The following BCKDHA variants were observed in gnomAD, a reference collection of about 807,000 sequenced individuals.
BCKDHA encodes the protein branched chain keto acid dehydrogenase E1 subunit alpha, also known as 2-oxoisovalerate dehydrogenase subunit alpha, mitochondrial.
In BCKDHA, 43 loss-of-function variants were observed where a neutral mutation model predicts 52.2. That is an observed-to-expected ratio of 0.82 (90% CI 0.64 to 1.06). The LOEUF (loss-of-function observed/expected upper bound fraction) is 1.06, where lower values mean the gene tolerates loss of function less well. Ranked by LOEUF, BCKDHA falls within the 50% of genes least tolerant of loss-of-function variation. The pLI, the probability that BCKDHA is intolerant of heterozygous loss-of-function variation, is 0.00. For synonymous variants in BCKDHA, 234 were observed against 247.9 expected, an observed-to-expected ratio of 0.94 and a Z score of 0.53; for missense variants, 527 against 621.3, an observed-to-expected ratio of 0.85 and a Z score of 1.61.
intron 1 of BCKDHA, among the ~76,000 whole-genome samples, chr19:41,406,656 G>A (rs1016381777): frequency 4.6e-5 from 7 of 150,980 alleles, no homozygotes; most frequent in Admixed American, 3.3e-4. Context: ...TGCAACATCC[G>A]CCTCCCAGGT....
chr19:41,405,196 G>A (rs922881809), intron 1 of BCKDHA, among the ~76,000 whole-genome samples: 1 of 152,124 alleles, frequency 6.6e-6, no homozygotes, highest in African/African-American at 2.4e-5. Flanking sequence ...AGGTCAACTC[G>A]GTTAATCCTC....
intron 3 of BCKDHA, among the ~76,000 whole-genome samples, chr19:41,411,560 C>T (rs2039254123): frequency 6.6e-6 from 1 of 152,200 alleles, no homozygotes; most frequent in Admixed American, 6.5e-5. Flanking sequence ...AGACATGGCA[C>T]ATCCCAGCTA....
chr19:41,422,558 T>C (rs2039379245), intron 6 of BCKDHA, 71 bp from the exon 7 acceptor site: 1 of 1,606,914 alleles, frequency 6.2e-7, no homozygotes. Context: ...CTCTCCCTGC[T>C]CGTCCCCTTG....
At chr19:41,422,420 C>T (rs773031546) in intron 6 of BCKDHA, 50 bp downstream of exon 6, 6 of 1,607,538 alleles carry the variant, frequency 3.7e-6, no homozygotes, top group South Asian at 1.1e-5. Flanking sequence ...ATCTCCTTCC[C>T]TCCCCAATCC....
chr19:41,423,859 G>A (rs1327996411), intron 8 of BCKDHA, among the ~76,000 whole-genome samples: 1 of 151,352 alleles, frequency 6.6e-6, no homozygotes, highest in African/African-American at 2.4e-5. Flanking sequence ...CAGGCGTGGT[G>A]GTGCGTGCCT....
rs1246970878 is a variant in BCKDHA at position 41,424,947 on chromosome 19, G to T, written c.*339G>T. 5 of 268,496 alleles carry T rather than the reference G, an allele frequency of 1.9e-5. No individual in the cohort carries two copies. The highest frequency in any genetic ancestry group is 2.9e-5 in the Non-Finnish European group (4 of 139,992). 16.6% of individuals were successfully genotyped at this position (268,496 alleles called of 1,614,324 possible). A position where few individuals can be genotyped will look rare whatever the true frequency, so the allele number is the denominator to read the frequency against. ...AGGTCAGCCTGTGGAACTTGCGCAG[G>T]TGCGAGTGGCCAGCAGAGGTCACGA... On this transcript the variant is annotated 3_prime_UTR_variant, in exon 9 of 9. Coordinates refer to ENST00000269980, the MANE Select transcript of BCKDHA (RefSeq NM_000709.4).
chr19:41,412,865 G>A (rs1392800440), intron 3 of BCKDHA, among the ~76,000 whole-genome samples: 7 of 151,170 alleles, frequency 4.6e-5, no homozygotes, highest in Non-Finnish European at 1.0e-4. Context: ...CACCACACTC[G>A]GCTAATTTTT....
chr19:41,418,309 C>A (rs955030227), intron 4 of BCKDHA, among the ~76,000 whole-genome samples: 1 of 152,036 alleles, frequency 6.6e-6, no homozygotes, highest in African/African-American at 2.4e-5. Context: ...ACTCTTCAGG[C>A]GGGGCAAAGA....
intron 6 of BCKDHA, 95 bp downstream of exon 6, chr19:41,422,465 G>T (rs897501749): frequency 6.3e-7 from 1 of 1,580,582 alleles, no homozygotes; most frequent in Admixed American, 1.7e-5. Flanking sequence ...CTCCTTCCTG[G>T]TTCTCGTCCT....
intron 1 of BCKDHA, chr19:41,399,831 G>C (rs1036456097): frequency 6.7e-6 from 1 of 149,886 alleles, no homozygotes; most frequent in Non-Finnish European, 1.5e-5. Flanking sequence ...TCTCGCCTAG[G>C]CTGGAGTGCA....
In BCKDHA at chr19:41,423,144, C is replaced by A; in HGVS notation, c.1142C>A (p.Ala381Asp). The change falls in exon 8 of 9, where the codon GCC becomes GAC. Residue 381 changes from alanine to aspartate, a missense_variant. Physicochemically the swap from Ala to Asp is moderately radical, Grantham distance 126. Transcript: ENST00000269980. Reference sequence around the variant, plus strand: ...TGGTGGGATGAGGAGCAGGAGAAGGCCTGGAGGAAGCAGTCCCGCAGGAAG... The same window carrying A: ...TGGTGGGATGAGGAGCAGGAGAAGGACTGGAGGAAGCAGTCCCGCAGGAAG... Reference protein sequence around the residue: ...QGWWDEEQEKAWRKQSRRKVM... With the variant: ...QGWWDEEQEKDWRKQSRRKVM... 6.4e-7 allele frequency: 1 copy of A among 1,557,630 alleles called. No individual in the cohort carries two copies. The highest frequency in any genetic ancestry group is 1.2e-5 in the South Asian group (1 of 84,600).
Position 41,422,210 on chromosome 19 carries a change from C to T in BCKDHA, c.693C>T (p.Val231=), listed in dbSNP as rs763610087. The T allele has an allele frequency of 2.8e-5, 46 of 1,614,168 alleles. No individual in the cohort carries two copies. In the East Asian group the frequency reaches 9.1e-4, roughly 32 times the overall value. ...CCAAGCGGGCCAATGCCAACAGGGTCGTCATCTGTTACTTCGGCGAGGGGG... is the reference window on the plus strand; with the variant it reads ...CCAAGCGGGCCAATGCCAACAGGGTTGTCATCTGTTACTTCGGCGAGGGGG... ...YAAKRANANR[V]VICYFGEGAA... is the part of the protein sequence containing the mutation. Residue 231 remains valine, a synonymous_variant, in exon 6 of 9, where the codon GTC becomes GTT. Transcript: ENST00000269980.
At chr19:41,412,797 A>G (rs1280986283) in intron 3 of BCKDHA, among the ~76,000 whole-genome samples, 1 of 150,096 alleles carries the variant, frequency 6.7e-6, no homozygotes, top group Non-Finnish European at 1.5e-5. Context: ...TCCGCCTCCC[A>G]GGTTCAAGTG....
At chr19:41,407,364 C>T (rs1194993444) in intron 1 of BCKDHA, among the ~76,000 whole-genome samples, 1 of 152,168 alleles carries the variant, frequency 6.6e-6, no homozygotes, top group Non-Finnish European at 1.5e-5. Flanking sequence ...AACTTAACAG[C>T]CCATTCATGC....
chr19:41,402,043 A>G (rs10408639), intron 1 of BCKDHA, among the ~76,000 whole-genome samples: 147,540 of 152,300 alleles, frequency 0.97, 71,508 homozygotes, highest in East Asian at 1. Context: ...GGCGGAAGGC[A>G]AATGAGGAGC....
chr19:41,424,312 A>G, intron 8 of BCKDHA, 126 bp from the exon 9 acceptor site: 1 of 1,045,908 alleles, frequency 9.6e-7, no homozygotes, highest in Non-Finnish European at 1.5e-6. Flanking sequence ...TAGGATAATC[A>G]TTTCCATTGT....
chr19:41,401,328 G>A (rs144899245), intron 1 of BCKDHA, among the ~76,000 whole-genome samples: 1,589 of 151,848 alleles, frequency 0.01, 31 homozygotes, highest in African/African-American at 0.036. Flanking sequence ...CACCCACCTC[G>A]GCCTCCCAGA....
At chr19:41,403,964 CTTAT>C (rs1159537420) in intron 1 of BCKDHA, among the ~76,000 whole-genome samples, 15 of 152,154 alleles carry the variant, frequency 9.9e-5, no homozygotes, top group Admixed American at 5.9e-4. Flanking sequence ...TGAGTATTTA[CTTAT>C]TTATTTGCTG....
chr19:41,411,090 C>A, intron 3 of BCKDHA, 81 bp downstream of exon 3: 1 of 1,452,462 alleles, frequency 6.9e-7, no homozygotes, highest in Admixed American at 1.7e-5. Flanking sequence ...GGAATGGCTC[C>A]CAAGGAGGAC....
Sources: allele counts gnomAD v4.1 joint callset (sites outside exome capture counted in the v4.1 genomes callset), GRCh38; gene constraint gnomAD v4.1.1; transcripts MANE v1.5; gene names NCBI Gene and HGNC (gene_info 2026-07-23, HGNC 2026-07-21).